DOCK3: variants seen among roughly 807,000 people sequenced by gnomAD.
The protein encoded by DOCK3 is dedicator of cytokinesis protein 3.
DOCK3 carries 60 observed loss-of-function variants against 265.6 expected under a neutral mutation model. That is an observed-to-expected ratio of 0.23 (90% CI 0.18 to 0.28). The LOEUF is 0.28. Ranked by LOEUF, DOCK3 falls within the 10% of genes least tolerant of loss-of-function variation. DOCK3 has a pLI of 1.00. For missense variants in DOCK3, 1,981 were observed against 2,594.3 expected (o/e 0.76, Z 5.14); for synonymous variants, 881 against 938.0 (o/e 0.94, Z 1.11).
Position 51,381,561 on chromosome 3 carries a change from G to A in DOCK3, c.*2G>A. ...GAGCACGGCCGAGGGGAGCAGTGAG[G>A]GGCAACGAGGCGGCTGGGATGCCGC... On this transcript the variant is annotated 3_prime_UTR_variant, in exon 53 of 53. Coordinates refer to ENST00000266037, the MANE Select transcript of DOCK3 (RefSeq NM_004947.5). The surrounding 1 kb of genome is among the most constrained non-coding windows in gnomAD (Gnocchi z 5.6). The A allele has an allele frequency of 6.6e-7, 1 of 1,506,826 alleles. No homozygotes were observed. The highest frequency in any genetic ancestry group is 8.8e-7 in the Non-Finnish European group (1 of 1,132,154). 93.3% of individuals were successfully genotyped at this position (1,506,826 alleles called of 1,614,324 possible).
At chr3:51,031,184 T>C (rs1180914885) in intron 5 of DOCK3, among the ~76,000 whole-genome samples, 1 of 152,192 alleles carries the variant, frequency 6.6e-6, no homozygotes, top group Non-Finnish European at 1.5e-5. Flanking sequence ...TTTGATCAGC[T>C]ACTTTGTTGG....
chr3:51,127,892 G>T (rs968077899), intron 9 of DOCK3, among the ~76,000 whole-genome samples: 2 of 152,134 alleles, frequency 1.3e-5, no homozygotes, highest in Admixed American at 6.6e-5. Flanking sequence ...ACAGGGCATG[G>T]TAATACTAAG....
chr3:51,355,805 G>T (rs903783482), intron 41 of DOCK3, among the ~76,000 whole-genome samples: 4 of 152,132 alleles, frequency 2.6e-5, no homozygotes, highest in African/African-American at 9.7e-5. Flanking sequence ...CTTTCCCTTT[G>T]TTTCTTAAAG....
intron 5 of DOCK3, among the ~76,000 whole-genome samples, chr3:51,061,457 C>G (rs554351095): frequency 6.6e-6 from 1 of 151,526 alleles, no homozygotes; most frequent in African/African-American, 2.4e-5. Flanking sequence ...CAAACTATTG[C>G]AAGGACAAAA....
At chr3:50,867,763 C>A (rs1575401387) in intron 3 of DOCK3, among the ~76,000 whole-genome samples, 1 of 152,038 alleles carries the variant, frequency 6.6e-6, no homozygotes, top group Non-Finnish European at 1.5e-5. Flanking sequence ...CCTTCCATCC[C>A]AGGGATAAAT....
chr3:51,371,241 A>G (rs2087655862), intron 49 of DOCK3, among the ~76,000 whole-genome samples: 1 of 152,260 alleles, frequency 6.6e-6, no homozygotes, highest in Non-Finnish European at 1.5e-5. Flanking sequence ...GCCAAACTCC[A>G]GAATATCACA....
At chr3:50,697,555 C>G (rs151163251) in intron 1 of DOCK3, among the ~76,000 whole-genome samples, 463 of 152,330 alleles carry the variant, frequency 3.0e-3, no homozygotes, top group African/African-American at 0.01. Context: ...CGTGCCACTG[C>G]ACTCCAGCCT....
intron 1 of DOCK3, among the ~76,000 whole-genome samples, chr3:50,732,438 G>A (rs1017388384): frequency 1.3e-5 from 2 of 152,112 alleles, no homozygotes; most frequent in Admixed American, 1.3e-4. Context: ...GGGTCTCACT[G>A]TGTTGCCCAG....
chr3:51,292,798 C>T (rs959858914), intron 27 of DOCK3, among the ~76,000 whole-genome samples: 4 of 152,112 alleles, frequency 2.6e-5, no homozygotes, highest in Non-Finnish European at 5.9e-5. Context: ...CCACCTCAGC[C>T]TCCTGAGTAG....
chr3:50,728,334 A>G (rs1262760695), intron 1 of DOCK3, among the ~76,000 whole-genome samples: 3 of 152,334 alleles, frequency 2.0e-5, no homozygotes, highest in African/African-American at 7.2e-5. Context: ...GAAATTTTAT[A>G]GTTTTAAATA....
chr3:50,701,019 G>A (rs2036001126), intron 1 of DOCK3, among the ~76,000 whole-genome samples: 1 of 151,770 alleles, frequency 6.6e-6, no homozygotes, highest in South Asian at 2.1e-4. Flanking sequence ...TAGTGGTTTT[G>A]ATTTGCATTT....
chr3:51,023,471 AG>A (rs1174163402), intron 5 of DOCK3, among the ~76,000 whole-genome samples: 1 of 152,070 alleles, frequency 6.6e-6, no homozygotes, highest in Admixed American at 6.6e-5. Flanking sequence ...CATGGAGTGC[AG>A]TGGTGTGATC....
At chr3:51,117,974 C>G (rs2083816706) in intron 9 of DOCK3, among the ~76,000 whole-genome samples, 1 of 152,084 alleles carries the variant, frequency 6.6e-6, no homozygotes, top group African/African-American at 2.4e-5. Flanking sequence ...CTGTTCTGAT[C>G]TGAGTTATTT....
chr3:50,820,031 G>C (rs1170292657), intron 2 of DOCK3, among the ~76,000 whole-genome samples: 1 of 152,082 alleles, frequency 6.6e-6, no homozygotes, highest in Non-Finnish European at 1.5e-5. Context: ...GTCTGAAAGG[G>C]GGAGAAAGCC....
chr3:51,345,308 G>C (rs1324627977), intron 38 of DOCK3, among the ~76,000 whole-genome samples: 1 of 152,152 alleles, frequency 6.6e-6, no homozygotes, highest in Non-Finnish European at 1.5e-5. Flanking sequence ...AGGAGTCAGG[G>C]TCTATTTGAA....
intron 9 of DOCK3, among the ~76,000 whole-genome samples, chr3:51,131,729 C>T (rs143655728): frequency 8.7e-4 from 132 of 152,246 alleles, no homozygotes; most frequent in African/African-American, 2.9e-3. Context: ...ACTTTGCCTC[C>T]GCTGTCCATT....
At chr3:51,377,961 G>C (rs188131189) in intron 51 of DOCK3, among the ~76,000 whole-genome samples, 85 of 152,334 alleles carry the variant, frequency 5.6e-4, no homozygotes, top group African/African-American at 1.9e-3. Flanking sequence ...TTTTTATGGA[G>C]AAGGTGATTT....
intron 3 of DOCK3, among the ~76,000 whole-genome samples, chr3:50,851,030 C>T (rs1207178903): frequency 6.6e-6 from 1 of 152,146 alleles, no homozygotes; most frequent in Non-Finnish European, 1.5e-5. Context: ...GCCTATAGGT[C>T]CTCTAGTGCT....
At chr3:50,999,339 C>G (rs1320988839) in intron 5 of DOCK3, among the ~76,000 whole-genome samples, 1 of 152,194 alleles carries the variant, frequency 6.6e-6, no homozygotes, top group Admixed American at 6.5e-5. Context: ...CAGTGGAGAT[C>G]TCTGGTTAGA....
Sources: allele counts gnomAD v4.1 joint callset (sites outside exome capture counted in the v4.1 genomes callset), GRCh38; gene constraint gnomAD v4.1.1; non-coding constraint Gnocchi (gnomAD v3.1); transcripts MANE v1.5; gene names NCBI Gene and HGNC (gene_info 2026-07-23, HGNC 2026-07-21).